Variants in SLC35D4 observed in about 807,000 individuals in gnomAD.
SLC35D4 encodes UDP-N-acetylglucosamine transporter SLC35D4.
chr18:23,284,600 C>T, the SLC35D4 span, among the ~76,000 whole-genome samples: 1 of 152,360 alleles, frequency 6.6e-6, no homozygotes, highest in African/African-American at 2.4e-5. Flanking sequence ...TAAAACCAAA[C>T]TGTAACCCAA....
chr18:23,342,222 TCA>T, the SLC35D4 span, among the ~76,000 whole-genome samples: 12 of 152,216 alleles, frequency 7.9e-5, no homozygotes, highest in African/African-American at 1.7e-4. Context: ...TTGAGTCTAT[TCA>T]CAGTCAATTT....
At chr18:23,402,896 G>A in the SLC35D4 span, among the ~76,000 whole-genome samples, 4 of 152,282 alleles carry the variant, frequency 2.6e-5, no homozygotes, top group Middle Eastern at 3.4e-3. Flanking sequence ...CACAAGGTCA[G>A]GAGTTCAAGA....
the SLC35D4 span, among the ~76,000 whole-genome samples, chr18:23,398,446 G>T: frequency 6.6e-6 from 1 of 152,144 alleles, no homozygotes; most frequent in East Asian, 1.9e-4. Flanking sequence ...AGGCCAAAGG[G>T]TATAAACTGA....
chr18:23,419,968 A>G, the SLC35D4 span, among the ~76,000 whole-genome samples: 1 of 152,186 alleles, frequency 6.6e-6, no homozygotes, highest in African/African-American at 2.4e-5. Flanking sequence ...ACATATATAC[A>G]TGTACAGTAC....
the SLC35D4 span, chr18:23,399,545 C>T: frequency 6.2e-7 from 1 of 1,611,186 alleles, no homozygotes; most frequent in Non-Finnish European, 8.5e-7. Flanking sequence ...GAGTTGTTTC[C>T]CCTGAACCTC....
chr18:23,266,707 CTCAA>C, the SLC35D4 span, among the ~76,000 whole-genome samples: 1 of 152,228 alleles, frequency 6.6e-6, no homozygotes, highest in Non-Finnish European at 1.5e-5. Context: ...ACTTGAGCAG[CTCAA>C]TGGGGTGATT....
chr18:23,364,505 T>G, the SLC35D4 span, among the ~76,000 whole-genome samples: 1 of 152,136 alleles, frequency 6.6e-6, no homozygotes. Context: ...GGCATCAATT[T>G]CAAAGCCTTT....
the SLC35D4 span, among the ~76,000 whole-genome samples, chr18:23,416,135 C>A: frequency 6.6e-6 from 1 of 152,116 alleles, no homozygotes; most frequent in Non-Finnish European, 1.5e-5. Context: ...TGCTTGAACC[C>A]GGGAGGCAGA....
At chr18:23,359,554 A>G in the SLC35D4 span, among the ~76,000 whole-genome samples, 2 of 152,188 alleles carry the variant, frequency 1.3e-5, no homozygotes, top group Non-Finnish European at 2.9e-5. Flanking sequence ...TGAAATTGCC[A>G]TGGTGAAAAG....
At chr18:23,377,764 A>ACTCATAATTTATT in the SLC35D4 span, 1 of 1,157,168 alleles carries the variant, frequency 8.6e-7, no homozygotes, top group Non-Finnish European at 1.2e-6. Context: ...CAAATAAATT[A>ACTCATAATTTATT]TGAGTAGATT....
chr18:23,389,758 C>A, the SLC35D4 span, among the ~76,000 whole-genome samples: 1 of 152,148 alleles, frequency 6.6e-6, no homozygotes, highest in South Asian at 2.1e-4. Context: ...AGGCTGGTCT[C>A]CAACTCCTGA....
chr18:23,388,931 C>T, the SLC35D4 span, among the ~76,000 whole-genome samples: 1 of 151,672 alleles, frequency 6.6e-6, no homozygotes, highest in Non-Finnish European at 1.5e-5. Context: ...GTACAGCCTG[C>T]AGAACTGTGA....
the SLC35D4 span, among the ~76,000 whole-genome samples, chr18:23,303,158 T>C: frequency 0.077 from 11,670 of 152,236 alleles, 624 homozygotes; most frequent in Middle Eastern, 0.17. Context: ...ACGCCTAGTA[T>C]ATGGACAAGG....
the SLC35D4 span, chr18:23,309,778 C>T: frequency 6.3e-7 from 1 of 1,596,510 alleles, no homozygotes; most frequent in East Asian, 2.2e-5. Flanking sequence ...GGTCATCATA[C>T]CAGCAGGGCT....
chr18:23,437,078 C>T, the SLC35D4 span, among the ~76,000 whole-genome samples: 1 of 152,168 alleles, frequency 6.6e-6, no homozygotes, highest in Non-Finnish European at 1.5e-5. Flanking sequence ...GCCATGCCCA[C>T]TCGGTCCTAT....
the SLC35D4 span, chr18:23,370,372 T>C: frequency 2.9e-6 from 3 of 1,022,196 alleles, no homozygotes; most frequent in Non-Finnish European, 4.4e-6. Context: ...AAAGCACGAC[T>C]GCTGGTCCTT....
the SLC35D4 span, among the ~76,000 whole-genome samples, chr18:23,348,543 A>G: frequency 2.0e-5 from 3 of 152,174 alleles, no homozygotes; most frequent in Non-Finnish European, 4.4e-5. Flanking sequence ...TAGAACTGTT[A>G]TATCTTCCTA....
chr18:23,287,665 C>A, the SLC35D4 span, among the ~76,000 whole-genome samples: 1 of 152,308 alleles, frequency 6.6e-6, no homozygotes, highest in Middle Eastern at 3.4e-3. Flanking sequence ...CAAAAGGAAA[C>A]CTAGCTGACC....
the SLC35D4 span, among the ~76,000 whole-genome samples, chr18:23,369,946 C>T: frequency 1.3e-5 from 2 of 152,110 alleles, no homozygotes; most frequent in East Asian, 1.9e-4. Context: ...TTTGGGAGGC[C>T]GAGGCGGGCG....
Sources: gnomAD v4.1 joint callset for allele counts (sites outside exome capture counted in the v4.1 genomes callset) on GRCh38, gnomAD v4.1.1 for gene constraint, MANE v1.5 for transcripts, NCBI Gene and HGNC (gene_info 2026-07-23, HGNC 2026-07-21) for gene names.